The following PTPRQ variants were observed in gnomAD, a reference collection of about 807,000 sequenced individuals.
PTPRQ encodes the protein phosphatidylinositol phosphatase PTPRQ.
PTPRQ carries 199 observed loss-of-function variants against 246.0 expected under a neutral mutation model. The ratio of observed to expected loss-of-function variants is 0.81; its 90% CI spans 0.72 to 0.91. The LOEUF is 0.91. Among genes scored for constraint, PTPRQ ranks in the 40% least tolerant of loss-of-function variants. The pLI is 0.00. For missense variants in PTPRQ, 2,624 were observed against 2,528.4 expected, an observed-to-expected ratio of 1.04 and a Z score of -0.81; for synonymous variants, 869 against 853.2, an observed-to-expected ratio of 1.02 and a Z score of -0.32.
intron 5 of PTPRQ, 121 bp from the exon 6 acceptor site, chr12:80,460,532 T>G (rs1893126124): frequency 2.5e-6 from 1 of 395,024 alleles, no homozygotes; most frequent in Non-Finnish European, 4.5e-6. Flanking sequence ...TGTCTATAAC[T>G]TTTGCATGTT....
At chr12:80,466,193 G>A (rs1050625298) in intron 6 of PTPRQ, among the ~76,000 whole-genome samples, 26 of 152,066 alleles carry the variant, frequency 1.7e-4, no homozygotes, top group Non-Finnish European at 3.4e-4. Context: ...AAAATCATAG[G>A]CATTCTTATA....
Position 80,541,614 on chromosome 12 carries a change from G to T in PTPRQ, c.3214G>T (p.Val1072Leu), listed in dbSNP as rs1350829945. ...YESISSTAIN[V>L]SWVPPAQPNG... ...ATCCATTTCGTCAACTGCAATAAAT[G>T]TAAGCTGGGTCCCACCGGCTCAACC... Residue 1072 changes from valine to leucine, a missense_variant, in exon 21 of 45, where the codon GTA becomes TTA. Physicochemically the swap from Val to Leu is conservative, Grantham distance 32. Transcript: ENST00000644991. 1.3e-6 allele frequency: 2 copies of T among 1,546,080 alleles called. No individual in the cohort carries two copies. The highest frequency in any genetic ancestry group is 1.7e-4 in the Middle Eastern group (1 of 5,972).
At chr12:80,504,126 A>C (rs1894883622) in intron 14 of PTPRQ, among the ~76,000 whole-genome samples, 1 of 151,304 alleles carries the variant, frequency 6.6e-6, no homozygotes, top group South Asian at 2.1e-4. Context: ...ATATTTCTTC[A>C]TTTTCTCTAC....
chr12:80,480,116 C>G (rs1034499744), intron 8 of PTPRQ, among the ~76,000 whole-genome samples: 144 of 152,170 alleles, frequency 9.5e-4, no homozygotes, highest in Non-Finnish European at 1.8e-3. Context: ...TGACTACATA[C>G]TTGGAAGTAA....
intron 35 of PTPRQ, among the ~76,000 whole-genome samples, chr12:80,643,438 CA>C (rs75925292): frequency 0.14 from 16,498 of 120,520 alleles, 1,300 homozygotes; most frequent in African/African-American, 0.26. Flanking sequence ...AATCCCATCT[CA>C]AAAAAAAAAA....
At chr12:80,565,614 T>C (rs1896955897) in intron 25 of PTPRQ, among the ~76,000 whole-genome samples, 1 of 152,210 alleles carries the variant, frequency 6.6e-6, no homozygotes, top group South Asian at 2.1e-4. Context: ...AATGTGCCTG[T>C]TGTTTGTCTG....
intron 6 of PTPRQ, among the ~76,000 whole-genome samples, chr12:80,463,262 T>G (rs1325273981): frequency 6.6e-6 from 1 of 152,130 alleles, no homozygotes; most frequent in African/African-American, 2.4e-5. Flanking sequence ...GGAGAAAGGG[T>G]ATCAGCGATG....
chr12:80,541,689 C>T lies in PTPRQ; in HGVS notation c.3289C>T (p.Arg1097Cys), dbSNP rs951616671. ...TTCACTGATCTTACAGCAGACTCCT[C>T]GCCATGTGAGACCACCTCTTGTTAC... The part of the protein sequence containing the change: ...YVSLILQQTP[R>C]HVRPPLVTYE... The change falls in exon 21 of 45, where the codon CGC (arginine) becomes TGC (cysteine). Residue 1097 changes from arginine (R) to cysteine (C), a missense_variant. Coordinates refer to ENST00000644991, the MANE Select transcript of PTPRQ (RefSeq NM_001145026.2). The T allele has an allele frequency of 4.5e-5, 70 of 1,551,184 alleles. 1 individual carries two copies. The highest frequency in any genetic ancestry group is 1.7e-4 in the Middle Eastern group (1 of 6,012).
At chr12:80,625,183 C>A (rs1899151225) in intron 33 of PTPRQ, among the ~76,000 whole-genome samples, 1 of 152,078 alleles carries the variant, frequency 6.6e-6, no homozygotes. Flanking sequence ...TCATATAATA[C>A]CCCTGGTGTC....
intron 38 of PTPRQ, among the ~76,000 whole-genome samples, chr12:80,656,860 T>C (rs1473854980): frequency 2.1e-5 from 3 of 142,220 alleles, no homozygotes; most frequent in Non-Finnish European, 4.5e-5. Flanking sequence ...AAAAGATATA[T>C]TTATACCTCA....
At chr12:80,677,400 A>C (rs1401992375) in intron 43 of PTPRQ, among the ~76,000 whole-genome samples, 1 of 152,214 alleles carries the variant, frequency 6.6e-6, no homozygotes, top group African/African-American at 2.4e-5. Context: ...AAACTAGATC[A>C]TCCACCTCAT....
intron 27 of PTPRQ, 146 bp from the exon 28 acceptor site, chr12:80,610,293 T>C (rs543701855): frequency 2.1e-5 from 12 of 576,188 alleles, no homozygotes; most frequent in Middle Eastern, 1.0e-3. Context: ...AATAGCACTT[T>C]AGATTTCCCA....
rs1338785420 is a variant in PTPRQ at position 80,484,470 on chromosome 12, A to T, written c.1224A>T (p.Val408=). 1 of 1,551,272 alleles carries T rather than the reference A, an allele frequency of 6.4e-7. No individual in the cohort carries two copies. Among genetic ancestry groups the T allele is most frequent in the South Asian group, 1.2e-5 (1 of 84,014 alleles). The change falls in exon 9 of 45, where the codon GTA becomes GTT. Residue 408 remains valine (V), a synonymous_variant. Transcript: ENST00000644991. ...TGTTTGATTTACAACTTGCAGAGGTAGAATCCACGCAAGTAAGAATTACTT... is the reference window on the plus strand; with the variant it reads ...TGTTTGATTTACAACTTGCAGAGGTTGAATCCACGCAAGTAAGAATTACTT... The part of the protein sequence containing the change: ...GAVFDLQLAE[V]ESTQVRITWK...
chr12:80,444,428 G>A (rs1892489481), intron 1 of PTPRQ, 29 bp downstream of exon 1: 1 of 1,281,414 alleles, frequency 7.8e-7, no homozygotes, highest in Non-Finnish European at 1.1e-6. Context: ...TTAAAAACAA[G>A]GGCTAAGTCA....
chr12:80,499,634 A>G (rs943027126), intron 14 of PTPRQ, among the ~76,000 whole-genome samples: 3 of 152,038 alleles, frequency 2.0e-5, no homozygotes, highest in African/African-American at 7.2e-5. Context: ...TGATGTGTTA[A>G]TATTACTAAT....
At chr12:80,677,722 G>C (rs983473434) in intron 43 of PTPRQ, among the ~76,000 whole-genome samples, 1 of 152,150 alleles carries the variant, frequency 6.6e-6, no homozygotes, top group Admixed American at 6.5e-5. Context: ...AGTTCCAAAA[G>C]GTTTTGAGGT....
At chr12:80,589,757 C>T (rs1026834500) in intron 26 of PTPRQ, among the ~76,000 whole-genome samples, 2 of 151,988 alleles carry the variant, frequency 1.3e-5, no homozygotes, top group African/African-American at 4.8e-5. Flanking sequence ...CTTTCTGGCA[C>T]TTTGACACTT....
chr12:80,613,885 A>G, intron 29 of PTPRQ, 49 bp downstream of exon 29: 1 of 1,442,744 alleles, frequency 6.9e-7, no homozygotes, highest in Non-Finnish European at 9.1e-7. Flanking sequence ...ATGTCAGTTT[A>G]TGAACTTGGC....
At chr12:80,556,439 T>C (rs1010202388) in intron 25 of PTPRQ, among the ~76,000 whole-genome samples, 1 of 152,214 alleles carries the variant, frequency 6.6e-6, no homozygotes, top group Non-Finnish European at 1.5e-5. Context: ...AATTGCTTTC[T>C]ATGGGAAGTT....
Sources: gnomAD v4.1 joint callset for allele counts (sites outside exome capture counted in the v4.1 genomes callset) on GRCh38, gnomAD v4.1.1 for gene constraint, MANE v1.5 for transcripts, NCBI Gene and HGNC (gene_info 2026-07-23, HGNC 2026-07-21) for gene names.